EYA2: variants seen among roughly 807,000 people sequenced by gnomAD.
EYA2 encodes the protein protein phosphatase EYA2.
EYA2 carries 31 observed loss-of-function variants against 69.2 expected under a neutral mutation model. The observed-to-expected ratio is 0.45, with a 90% CI of 0.34 to 0.60. The LOEUF is 0.60. EYA2 is among the 20% of genes least tolerant of loss of function. The pLI is 0.02. For synonymous variants in EYA2, 257 were observed against 279.4 expected, an observed-to-expected ratio of 0.92 and a Z score of 0.80; for missense variants, 622 against 701.2, an observed-to-expected ratio of 0.89 and a Z score of 1.28.
At chr20:47,126,589 AT>A (rs2033197686) in intron 9 of EYA2, among the ~76,000 whole-genome samples, 1 of 152,090 alleles carries the variant, frequency 6.6e-6, no homozygotes. Context: ...GTTTTTTTTC[AT>A]TTAGTTCATC....
In EYA2 at chr20:46,945,309, T is replaced by C. The variant is rs536619324; in HGVS notation, c.-10-44692T>C. ...ACAGTGCCTGGCAGTTCGTAAGTGC[T>C]GTTTTAAGAGTTCGCCACATTCAGC... On this transcript the variant is annotated intron_variant, in intron 1 of 15. Transcript: ENST00000327619. Among the ~76,000 whole-genome samples, 8 of 152,316 alleles carry C rather than the reference T, an allele frequency of 5.3e-5. No individual in the cohort carries two copies. In the South Asian group the frequency reaches 1.7e-3, roughly 32 times the overall value.
intron 10 of EYA2, among the ~76,000 whole-genome samples, chr20:47,168,484 C>G (rs973085189): frequency 6.6e-6 from 1 of 152,190 alleles, no homozygotes; most frequent in Non-Finnish European, 1.5e-5. Context: ...CCACCATGCC[C>G]AGCCTCCACC....
intron 1 of EYA2, among the ~76,000 whole-genome samples, chr20:46,907,022 C>G (rs1359824705): frequency 6.6e-6 from 1 of 152,202 alleles, no homozygotes; most frequent in African/African-American, 2.4e-5. Context: ...CTACCACTTA[C>G]TAGCCTTGGG....
chr20:47,176,048 A>G (rs1380326177), intron 12 of EYA2, among the ~76,000 whole-genome samples: 3 of 151,472 alleles, frequency 2.0e-5, no homozygotes, highest in Admixed American at 6.6e-5. Context: ...GAAACAGACC[A>G]TCAACAAGTG....
At chr20:46,963,274 C>G (rs1254869571) in intron 1 of EYA2, among the ~76,000 whole-genome samples, 1 of 152,242 alleles carries the variant, frequency 6.6e-6, no homozygotes, top group African/African-American at 2.4e-5. Flanking sequence ...TCAGCATCCT[C>G]TCTTATCCCT....
chr20:46,927,873 A>C (rs1985485490), intron 1 of EYA2, among the ~76,000 whole-genome samples: 1 of 152,192 alleles, frequency 6.6e-6, no homozygotes, highest in African/African-American at 2.4e-5. Context: ...ACCTGTCTCC[A>C]AAGGTGTATG....
chr20:47,161,237 G>A (rs2034059497), intron 10 of EYA2: 8 of 518,872 alleles, frequency 1.5e-5, no homozygotes, highest in Non-Finnish European at 2.9e-5. Flanking sequence ...TCTGCACATG[G>A]GGACAATGGA....
intron 5 of EYA2, among the ~76,000 whole-genome samples, chr20:47,048,814 G>T (rs572329196): frequency 6.6e-6 from 1 of 152,002 alleles, no homozygotes; most frequent in Non-Finnish European, 1.5e-5. Context: ...GGAGGCTCAA[G>T]ACTCTATAAA....
At chr20:46,931,075 A>G (rs1376797496) in intron 1 of EYA2, among the ~76,000 whole-genome samples, 1 of 152,178 alleles carries the variant, frequency 6.6e-6, no homozygotes, top group Non-Finnish European at 1.5e-5. Flanking sequence ...ATTGAGAACC[A>G]CTGTCCTCAG....
intron 5 of EYA2, among the ~76,000 whole-genome samples, chr20:47,057,160 AGG>A (rs2030668517): frequency 1.5e-5 from 2 of 129,740 alleles, no homozygotes; most frequent in African/African-American, 2.6e-5. Flanking sequence ...GAAGGAAGGA[AGG>A]AAGGAAGGAA....
In EYA2 at chr20:47,169,134, C is replaced by T; in HGVS notation, c.979-5C>T. 6.2e-7 allele frequency: 1 copy of T among 1,613,068 alleles called. No homozygotes were observed. Among genetic ancestry groups the T allele is most frequent in the South Asian group, 1.1e-5 (1 of 91,060 alleles). On this transcript the variant is annotated splice_polypyrimidine_tract_variant and splice_region_variant and intron_variant, in intron 10 of 15. Coordinates refer to ENST00000327619, the MANE Select transcript of EYA2 (RefSeq NM_005244.5). ...CTCTCTCTCTCTCTGTCAAATTTTC[C>T]ATAGGATTGTGACCAGATCCACGTT...
chr20:46,951,073 G>A (rs2868882), intron 1 of EYA2, among the ~76,000 whole-genome samples: 47,893 of 151,992 alleles, frequency 0.32, 9,401 homozygotes, highest in Non-Finnish European at 0.44. Context: ...ACTTGCTGCC[G>A]TTTGGAAGTT....
chr20:47,177,191 C>A (rs2034444047), intron 12 of EYA2, among the ~76,000 whole-genome samples: 1 of 152,142 alleles, frequency 6.6e-6, no homozygotes, highest in Non-Finnish European at 1.5e-5. Context: ...CGGCTCACTG[C>A]ACCCTCGACC....
At chr20:47,136,060 A>G (rs1316108093) in intron 9 of EYA2, among the ~76,000 whole-genome samples, 1 of 151,894 alleles carries the variant, frequency 6.6e-6, no homozygotes, top group Non-Finnish European at 1.5e-5. Context: ...AAAATCCAGG[A>G]AAAAAAGTCT....
intron 5 of EYA2, among the ~76,000 whole-genome samples, chr20:47,056,081 TA>T (rs2030596397): frequency 6.6e-6 from 1 of 152,248 alleles, no homozygotes; most frequent in South Asian, 2.1e-4. Flanking sequence ...TATTACCAGT[TA>T]AATATGCTTT....
intron 8 of EYA2, 77 bp from the exon 9 acceptor site, chr20:47,097,008 G>A (rs984525494): frequency 1.6e-5 from 17 of 1,038,048 alleles, no homozygotes; most frequent in Admixed American, 1.4e-4. Flanking sequence ...TCCTCCAAGG[G>A]AATGAATTTC....
intron 1 of EYA2, among the ~76,000 whole-genome samples, chr20:46,962,526 G>A (rs1979537748): frequency 6.6e-6 from 1 of 151,930 alleles, no homozygotes; most frequent in Non-Finnish European, 1.5e-5. Context: ...GCCTGCCTCA[G>A]CCCTGGAGAA....
chr20:47,181,487 C>T (rs2034537114), intron 14 of EYA2, among the ~76,000 whole-genome samples: 2 of 152,120 alleles, frequency 1.3e-5, no homozygotes, highest in South Asian at 4.1e-4. Context: ...AGTCACGTGG[C>T]CACAAGTAGC....
At chr20:46,999,251 A>T (rs1982213075) in intron 2 of EYA2, among the ~76,000 whole-genome samples, 1 of 152,208 alleles carries the variant, frequency 6.6e-6, no homozygotes, top group African/African-American at 2.4e-5. Context: ...CACTCAAGTC[A>T]TGGGCTTTTA....
Sources: gnomAD v4.1 joint callset for allele counts (sites outside exome capture counted in the v4.1 genomes callset) on GRCh38, gnomAD v4.1.1 for gene constraint, MANE v1.5 for transcripts, NCBI Gene and HGNC (gene_info 2026-07-23, HGNC 2026-07-21) for gene names.